TCERG1: variants seen among roughly 807,000 people sequenced by gnomAD.
TCERG1 encodes TATA box binding protein (TBP)-associated factor, RNA polymerase II, S, 150kD.
TCERG1 carries 37 observed loss-of-function variants against 144.7 expected under a neutral mutation model. The observed-to-expected ratio is 0.26, with a 90% CI of 0.20 to 0.34. The LOEUF (loss-of-function observed/expected upper bound fraction) is 0.34. TCERG1 is among the 10% of genes least tolerant of loss of function. TCERG1 has a pLI of 1.00. For missense variants in TCERG1, 1,027 were observed against 1,380.7 expected, an observed-to-expected ratio of 0.74 and a Z score of 4.06; for synonymous variants, 492 against 458.2, an observed-to-expected ratio of 1.07 and a Z score of -0.94.
intron 7 of TCERG1, 70 bp downstream of exon 7, chr5:146,469,814 G>A (rs913514022): frequency 6.3e-6 from 7 of 1,114,762 alleles, no homozygotes; most frequent in Non-Finnish European, 8.4e-6. Context: ...TTGAAATTCT[G>A]AGTTAATTTC....
chr5:146,454,693 G>A (rs968814107), intron 1 of TCERG1, among the ~76,000 whole-genome samples: 22 of 152,240 alleles, frequency 1.4e-4, no homozygotes, highest in Admixed American at 1.2e-3. Context: ...TGCCTTGCGG[G>A]TTCAAGTGAT....
chr5:146,503,765 T>G, intron 18 of TCERG1, 59 bp from the exon 19 acceptor site: 1 of 1,514,924 alleles, frequency 6.6e-7, no homozygotes, highest in Non-Finnish European at 8.8e-7. Flanking sequence ...CTAGTTATTC[T>G]GTAAAAACAT....
chr5:146,500,068 C>G (rs1767292348), intron 17 of TCERG1: 1 of 151,724 alleles, frequency 6.6e-6, no homozygotes, highest in Non-Finnish European at 1.5e-5. Flanking sequence ...GATATGACAT[C>G]TAAATTAAAT....
chr5:146,457,346 A>C lies in TCERG1; in HGVS notation c.438+11A>C. 6.3e-7 allele frequency: 1 copy of C among 1,597,754 alleles called. No individual in the cohort carries two copies. The highest frequency in any genetic ancestry group is 1.1e-5 in the South Asian group (1 of 88,868). On this transcript the variant is annotated intron_variant, in intron 3 of 22. Coordinates refer to ENST00000679501, the MANE Select transcript of TCERG1 (RefSeq NM_001382548.1). ...ACTCCAGATGGGAAGGTAAATAATAAAATATATTTAAGTTGTCATTTGTTG... is the reference window on the plus strand; with the variant it reads ...ACTCCAGATGGGAAGGTAAATAATACAATATATTTAAGTTGTCATTTGTTG...
chr5:146,488,869 A>T (rs527725974), intron 15 of TCERG1, among the ~76,000 whole-genome samples: 1 of 152,220 alleles, frequency 6.6e-6, no homozygotes, highest in Admixed American at 6.5e-5. Context: ...GTGGTTAGCC[A>T]TAAAAAAGAA....
chr5:146,463,842 C>A lies in TCERG1; in HGVS notation c.1135+49C>A. The A allele has an allele frequency of 2.5e-6, 4 of 1,609,342 alleles. No individual in the cohort carries two copies. In the South Asian group the frequency reaches 4.4e-5, roughly 18 times the overall value. On this transcript the variant is annotated intron_variant, in intron 5 of 22. Coordinates refer to ENST00000679501, the MANE Select transcript of TCERG1 (RefSeq NM_001382548.1). Reference sequence around the variant, plus strand: ...CTTTCCAGCTATGTTTTCATATTGTCAGTTAGTTTGTTCTCATGTGTCTGT... The same window carrying A: ...CTTTCCAGCTATGTTTTCATATTGTAAGTTAGTTTGTTCTCATGTGTCTGT...
intron 16 of TCERG1, among the ~76,000 whole-genome samples, chr5:146,495,577 G>T (rs1387009195): frequency 6.6e-6 from 1 of 152,084 alleles, no homozygotes; most frequent in East Asian, 1.9e-4. Flanking sequence ...GATTAGTATT[G>T]GTTGCATACA....
chr5:146,485,445 A>G (rs1340117202), intron 15 of TCERG1, among the ~76,000 whole-genome samples: 1 of 152,180 alleles, frequency 6.6e-6, no homozygotes, highest in African/African-American at 2.4e-5. Context: ...AACATTGCCT[A>G]ATCTAAATAT....
Position 146,459,044 on chromosome 5 carries a change from A to G in TCERG1, c.599A>G (p.Gln200Arg). 2 of 1,604,138 alleles carry G rather than the reference A, an allele frequency of 1.2e-6. No homozygotes were observed. Among genetic ancestry groups the G allele is most frequent in the Non-Finnish European group, 8.5e-7 (1 of 1,172,358 alleles). The change falls in exon 4 of 23, where the codon CAG becomes CGG. Residue 200 changes from glutamine (Q) to arginine (R), a missense_variant. Transcript: ENST00000679501. ...QAQAQAQAQA[Q>R]AQAQAQAQAQ... The stretch of plus-strand genomic sequence containing the variant: ...CAGGCCCAGGCGCAGGCTCAGGCCC[A>G]GGCACAAGCTCAGGCCCAGGCTCAG...
intron 16 of TCERG1, among the ~76,000 whole-genome samples, chr5:146,494,836 T>C (rs1279897190): frequency 1.3e-5 from 2 of 152,140 alleles, no homozygotes; most frequent in Non-Finnish European, 2.9e-5. Context: ...ATTTAAGTCA[T>C]ACCTCCCACA....
At chr5:146,500,837 A>G (rs1767356434) in intron 17 of TCERG1, among the ~76,000 whole-genome samples, 1 of 152,036 alleles carries the variant, frequency 6.6e-6, no homozygotes, top group African/African-American at 2.4e-5. Flanking sequence ...CAAGACCCCC[A>G]TCTCTACAAC....
intron 1 of TCERG1, among the ~76,000 whole-genome samples, chr5:146,451,734 GT>G (rs200893357): frequency 0.93 from 135,772 of 146,490 alleles, 62,974 homozygotes; most frequent in East Asian, 1. Flanking sequence ...TACAGTCCTG[GT>G]TATACCAGGA....
At chr5:146,505,194 G>C (rs191611144) in intron 19 of TCERG1, among the ~76,000 whole-genome samples, 1 of 151,986 alleles carries the variant, frequency 6.6e-6, no homozygotes, top group Non-Finnish European at 1.5e-5. Flanking sequence ...TGTGGCCTGT[G>C]GGCCACGGGT....
chr5:146,466,396 T>G (rs1763792537), intron 5 of TCERG1, among the ~76,000 whole-genome samples: 1 of 151,906 alleles, frequency 6.6e-6, no homozygotes, highest in Non-Finnish European at 1.5e-5. Flanking sequence ...TTAGGTAAAA[T>G]ACAAGAGTAG....
chr5:146,480,067 A>T lies in TCERG1; in HGVS notation c.1859A>T (p.Asp620Val). The T allele has an allele frequency of 6.2e-7, 1 of 1,601,242 alleles. No homozygotes were observed. Among genetic ancestry groups the T allele is most frequent in the Non-Finnish European group, 8.5e-7 (1 of 1,174,996 alleles). The stretch of plus-strand genomic sequence containing the variant: ...GAATTAATGGAAGAAATTAATGAAG[A>T]TGAGCCTGTTAAAGCAAAAAAACGG... ...EQELMEEINE[D>V]EPVKAKKRKR... Residue 620 changes from aspartate (D) to valine (V), a missense_variant, in exon 12 of 23, where the codon GAT (aspartate) becomes GTT (valine). By Grantham distance (152) the Asp-to-Val change is radical. Around this residue, in one of 6 missense-constraint regions of TCERG1, gnomAD observed 482 missense variants for 632.6 expected, o/e 0.76. Transcript: ENST00000679501.
intron 13 of TCERG1, chr5:146,482,175 TG>T (rs1765418860): frequency 6.6e-6 from 1 of 152,474 alleles, no homozygotes; most frequent in Non-Finnish European, 1.5e-5. Context: ...GTGTTTATAA[TG>T]TAAAACATTT....
At position 146,503,828 on chromosome 5, in the gene TCERG1, T is replaced by C. The variant is rs1343429448; in HGVS notation, c.2603T>C (p.Leu868Ser). ...KQYIEKIAKNLDSEKEKELER... is the reference protein window; with the variant it reads ...KQYIEKIAKNSDSEKEKELER... ...ATGTAGTTTTTGCTTTTACAGAATT[T>C]AGACTCAGAAAAAGAAAAGGAGCTT... Residue 868 changes from leucine to serine, a missense_variant, in exon 19 of 23, where the codon TTA becomes TCA. Around this residue, in one of 6 missense-constraint regions of TCERG1, gnomAD observed 482 missense variants for 632.6 expected, o/e 0.76. Coordinates refer to ENST00000679501, the MANE Select transcript of TCERG1 (RefSeq NM_001382548.1). 1.3e-6 allele frequency: 2 copies of C among 1,586,222 alleles called. No homozygotes were observed. Among genetic ancestry groups the C allele is most frequent in the South Asian group, 1.2e-5 (1 of 85,024 alleles).
Position 146,447,372 on chromosome 5 carries a change from G to A in TCERG1, c.23G>A (p.Gly8Glu). ...GTAATGGCGGAGCGTGGCGGGGACGGGGGCGAGAGTGAACGATTCAACCCG... is the reference window on the plus strand; with the variant it reads ...GTAATGGCGGAGCGTGGCGGGGACGAGGGCGAGAGTGAACGATTCAACCCG... MAERGGD[G>E]GESERFNPGE... The change falls in exon 1 of 23, where the codon GGG (glycine) becomes GAG (glutamate). Residue 8 changes from glycine to glutamate, a missense_variant. Around this residue, in one of 6 missense-constraint regions of TCERG1, gnomAD observed 175 missense variants for 197.0 expected, o/e 0.89. Transcript: ENST00000679501. 1 of 1,611,568 alleles carries A rather than the reference G, an allele frequency of 6.2e-7. No homozygotes were observed. Among genetic ancestry groups the A allele is most frequent in the Non-Finnish European group, 8.5e-7 (1 of 1,179,098 alleles).
intron 5 of TCERG1, 54 bp downstream of exon 5, chr5:146,463,847 AGTTT>A: frequency 6.2e-7 from 1 of 1,607,952 alleles, no homozygotes; most frequent in East Asian, 2.2e-5. Flanking sequence ...ATTGTCAGTT[AGTTT>A]GTTCTCATGT....
Sources: gnomAD v4.1 joint callset for allele counts (sites outside exome capture counted in the v4.1 genomes callset) on GRCh38, gnomAD v4.1.1 for gene constraint, gnomAD v4.1.1 regional missense constraint, MANE v1.5 for transcripts, NCBI Gene and HGNC (gene_info 2026-07-23, HGNC 2026-07-21) for gene names.